The following GTF2IRD1 variants were observed in gnomAD, a reference collection of about 807,000 sequenced individuals.
GTF2IRD1 encodes GTF2I repeat domain containing 1.
In GTF2IRD1, 26 loss-of-function variants were observed where a neutral mutation model predicts 113.2. The ratio of observed to expected loss-of-function variants is 0.23; its 90% CI spans 0.17 to 0.32. The LOEUF (loss-of-function observed/expected upper bound fraction) is 0.32, where lower values mean the gene tolerates loss of function less well. Ranked by LOEUF, GTF2IRD1 falls within the 10% of genes least tolerant of loss-of-function variation. GTF2IRD1 has a pLI of 1.00. For synonymous variants in GTF2IRD1, 484 were observed against 529.1 expected, an observed-to-expected ratio of 0.91 and a Z score of 1.17; for missense variants, 864 against 1,280.8, an observed-to-expected ratio of 0.67 and a Z score of 4.97.
chr7:74,476,381 T>TTTTTTTTTTTTTTTTG, intron 1 of GTF2IRD1, among the ~76,000 whole-genome samples: 1 of 149,010 alleles, frequency 6.7e-6, no homozygotes, highest in African/African-American at 2.5e-5. Context: ...TTTTTTTCTT[T>TTTTTTTTTTTTTTTTG]TGAGACGGAG....
intron 1 of GTF2IRD1, among the ~76,000 whole-genome samples, chr7:74,481,702 GT>G (rs1411803251): frequency 1.3e-5 from 2 of 152,312 alleles, no homozygotes; most frequent in Non-Finnish European, 2.9e-5. Flanking sequence ...CCTACTCCTT[GT>G]TTATATGTGG....
chr7:74,506,804 G>A (rs1554341202), intron 1 of GTF2IRD1: 3 of 152,432 alleles, frequency 2.0e-5, no homozygotes. Context: ...TCATACCCAG[G>A]AAGCCTGTGC....
At position 74,590,023 on chromosome 7, in the gene GTF2IRD1, C is replaced by A. The variant is rs1482054733; in HGVS notation, c.2398+95C>A. On this transcript the variant is annotated intron_variant, in intron 23 of 26. Coordinates refer to ENST00000424337, the MANE Select transcript of GTF2IRD1 (RefSeq NM_005685.4). ...AGCCAGCCTGGCTTTCAGGAGCCCCCAGCTGGCTGCCTGCTCCCTGGTGAC... is the reference window on the plus strand; with the variant it reads ...AGCCAGCCTGGCTTTCAGGAGCCCCAAGCTGGCTGCCTGCTCCCTGGTGAC... The A allele has an allele frequency of 1.5e-5, 11 of 737,412 alleles. No individual in the cohort carries two copies. In the East Asian group the frequency reaches 2.7e-4, roughly 18 times the overall value. 45.7% of individuals were successfully genotyped at this position (737,412 alleles called of 1,614,324 possible).
At position 74,553,171 on chromosome 7, in the gene GTF2IRD1, C is replaced by T. The variant is rs191688600; in HGVS notation, c.1917-2003C>T. 4.6e-4 allele frequency among the ~76,000 whole-genome samples: 70 copies of T among 150,584 alleles called. No homozygotes were observed. In the East Asian group the frequency reaches 0.012, roughly 27 times the overall value. On this transcript the variant is annotated intron_variant, in intron 17 of 26. Transcript: ENST00000424337. ...GTTTTTTTTGAGACAGAGTCTCACT[C>T]CAGGCTGGAGTACAGTGGTGCTGTC...
chr7:74,580,565 G>A (rs1310284595), intron 22 of GTF2IRD1, among the ~76,000 whole-genome samples: 3 of 152,022 alleles, frequency 2.0e-5, no homozygotes, highest in Non-Finnish European at 4.4e-5. Flanking sequence ...CAGTGAGCTT[G>A]GTTGTCTTTT....
chr7:74,508,274 T>G, intron 2 of GTF2IRD1, 71 bp downstream of exon 2: 1 of 1,507,244 alleles, frequency 6.6e-7, no homozygotes, highest in Non-Finnish European at 9.0e-7. Context: ...GCTCAAGTCC[T>G]ACCTCAGCTA....
At chr7:74,523,985 G>T in intron 7 of GTF2IRD1, 86 bp from the exon 8 acceptor site, 1 of 919,742 alleles carries the variant, frequency 1.1e-6, no homozygotes, top group South Asian at 1.4e-5. Flanking sequence ...GGGCTCTGGG[G>T]GTGAAAGCCC....
At chr7:74,540,532 T>C (rs191919630) in intron 14 of GTF2IRD1, among the ~76,000 whole-genome samples, 9 of 152,110 alleles carry the variant, frequency 5.9e-5, no homozygotes, top group African/African-American at 1.9e-4. Flanking sequence ...CAACTATTTA[T>C]TGAGCATCTG....
At chr7:74,479,415 G>A (rs1242018901) in intron 1 of GTF2IRD1, among the ~76,000 whole-genome samples, 1 of 146,990 alleles carries the variant, frequency 6.8e-6, no homozygotes, top group Non-Finnish European at 1.5e-5. Flanking sequence ...GGCGGCCCAG[G>A]CTGGCGGTTG....
At chr7:74,456,137 A>G (rs1338786626) in intron 1 of GTF2IRD1, among the ~76,000 whole-genome samples, 5 of 152,140 alleles carry the variant, frequency 3.3e-5, no homozygotes, top group African/African-American at 7.2e-5. Context: ...GTGTTTGGCA[A>G]TAGTCTGAGT....
chr7:74,580,148 T>C (rs1554365720), intron 22 of GTF2IRD1, among the ~76,000 whole-genome samples: 2 of 152,138 alleles, frequency 1.3e-5, no homozygotes, highest in Non-Finnish European at 2.9e-5. Flanking sequence ...TGAACCTGAA[T>C]GTAGCTTTTT....
intron 22 of GTF2IRD1, among the ~76,000 whole-genome samples, chr7:74,586,285 T>G (rs1554367758): frequency 6.6e-6 from 1 of 152,018 alleles, no homozygotes; most frequent in East Asian, 1.9e-4. Flanking sequence ...TGGACAAGGG[T>G]GGCCTTGATT....
chr7:74,503,389 C>T (rs1796136545), intron 1 of GTF2IRD1, among the ~76,000 whole-genome samples: 1 of 152,172 alleles, frequency 6.6e-6, no homozygotes, highest in Non-Finnish European at 1.5e-5. Context: ...CTGGGATCTT[C>T]CCAGTGGACT....
intron 25 of GTF2IRD1, among the ~76,000 whole-genome samples, chr7:74,597,849 C>T (rs797040247): frequency 5.3e-5 from 8 of 152,252 alleles, no homozygotes; most frequent in African/African-American, 1.9e-4. Context: ...GCCACACGGC[C>T]CAGTATGGCT....
rs1798639712 is a variant in GTF2IRD1 at position 74,541,580 on chromosome 7, G to A, written c.1618+1612G>A. Reference sequence around the variant, plus strand: ...GGTTGAGGCTGTGGTGAGCCGTGATGGTGCCACTGAGTAAGACCCTATCTT... The same window carrying A: ...GGTTGAGGCTGTGGTGAGCCGTGATAGTGCCACTGAGTAAGACCCTATCTT... On this transcript the variant is annotated intron_variant, in intron 14 of 26. Coordinates refer to ENST00000424337, the MANE Select transcript of GTF2IRD1 (RefSeq NM_005685.4). 2.0e-5 allele frequency among the ~76,000 whole-genome samples: 3 copies of A among 152,008 alleles called. No homozygotes were observed. The East Asian group carries it at 5.8e-4, about 29-fold the overall frequency.
chr7:74,554,505 A>G (rs587717685), intron 17 of GTF2IRD1, among the ~76,000 whole-genome samples: 2 of 152,128 alleles, frequency 1.3e-5, no homozygotes, highest in East Asian at 3.9e-4. Flanking sequence ...AGAAGCTTGG[A>G]GTTCTTGCTT....
At chr7:74,483,461 G>A (rs1415384956) in intron 1 of GTF2IRD1, among the ~76,000 whole-genome samples, 1 of 152,090 alleles carries the variant, frequency 6.6e-6, no homozygotes, top group African/African-American at 2.4e-5. Flanking sequence ...GGAAAGAATC[G>A]CTTGAGCCCA....
chr7:74,559,395 G>A (rs1183224269), intron 21 of GTF2IRD1, among the ~76,000 whole-genome samples: 1 of 152,240 alleles, frequency 6.6e-6, no homozygotes, highest in Non-Finnish European at 1.5e-5. Context: ...GGCAAAGCCT[G>A]CACAAGGCCC....
chr7:74,575,117 A>AG (rs1800958218), intron 22 of GTF2IRD1, among the ~76,000 whole-genome samples: 1 of 151,972 alleles, frequency 6.6e-6, no homozygotes, highest in East Asian at 1.9e-4. Context: ...AAAAAAACCC[A>AG]GCCTCACGGA....
Sources: gnomAD v4.1 joint callset for allele counts (sites outside exome capture counted in the v4.1 genomes callset) on GRCh38, gnomAD v4.1.1 for gene constraint, MANE v1.5 for transcripts, NCBI Gene and HGNC (gene_info 2026-07-23, HGNC 2026-07-21) for gene names.